PRSS23: variants seen among roughly 807,000 people sequenced by gnomAD.
PRSS23 encodes the protein serine protease 23, also known as protease, serine 23.
Under a neutral mutation model 34.7 loss-of-function variants are expected in PRSS23, and 25 were observed. That is an observed-to-expected ratio of 0.72 (90% CI 0.53 to 1.01). PRSS23 has a LOEUF of 1.01. PRSS23 is among the 50% of genes least tolerant of loss of function. The pLI, the probability that PRSS23 is intolerant of heterozygous loss-of-function variation, is 0.00. For missense variants in PRSS23, 445 were observed against 475.6 expected (o/e 0.94, Z 0.60); for synonymous variants, 176 against 186.6 (o/e 0.94, Z 0.46).
Position 86,826,887 on chromosome 11 carries a change from T to C in PRSS23, c.206+3294T>C, listed in dbSNP as rs957524686. ...AAGCTTTTTGATGTGCTGCTGGATTTGGTTTGCCAGTATTTTATTGAGGAT... is the reference window on the plus strand; with the variant it reads ...AAGCTTTTTGATGTGCTGCTGGATTCGGTTTGCCAGTATTTTATTGAGGAT... On this transcript the variant is annotated intron_variant, in intron 2 of 2. Transcript: ENST00000533902. Among the ~76,000 whole-genome samples the C allele has an allele frequency of 1.3e-3, 200 of 152,258 alleles. 1 individual carries two copies. The highest frequency in any genetic ancestry group is 4.3e-3 in the African/African-American group (180 of 41,538).
intron 2 of PRSS23, among the ~76,000 whole-genome samples, chr11:86,916,292 C>A (rs1316653640): frequency 6.6e-6 from 1 of 151,940 alleles, no homozygotes; most frequent in Admixed American, 6.6e-5. Context: ...ATGAGAATTG[C>A]TTTTATAAGA....
intron 2 of PRSS23, among the ~76,000 whole-genome samples, chr11:86,945,005 C>T (rs968595788): frequency 6.6e-6 from 1 of 152,162 alleles, no homozygotes; most frequent in Non-Finnish European, 1.5e-5. Flanking sequence ...GCTCTCCTTC[C>T]CTCTGTATGT....
chr11:86,928,280 TATTAC>T (rs1391068127), intron 2 of PRSS23, among the ~76,000 whole-genome samples: 3 of 148,302 alleles, frequency 2.0e-5, no homozygotes, highest in African/African-American at 4.9e-5. Flanking sequence ...GTTTAATACA[TATTAC>T]ATTAACATAA....
At chr11:86,862,444 C>T (rs748987088) in intron 2 of PRSS23, among the ~76,000 whole-genome samples, 5 of 151,680 alleles carry the variant, frequency 3.3e-5, no homozygotes, top group South Asian at 2.1e-4. Flanking sequence ...TGATACTATT[C>T]GTAATACCCT....
upstream of PRSS23, chr11:86,800,100 G>A (rs1565347340): frequency 6.6e-6 from 1 of 152,356 alleles, no homozygotes; most frequent in Non-Finnish European, 1.5e-5. Flanking sequence ...GTTCTAGGCT[G>A]TTGGGGGAGG....
intron 1 of PRSS23, among the ~76,000 whole-genome samples, chr11:86,817,739 G>T (rs914113562): frequency 6.6e-6 from 1 of 152,168 alleles, no homozygotes; most frequent in South Asian, 2.1e-4. Context: ...AAACCAACAA[G>T]CATGTATTGA....
intron 2 of PRSS23, among the ~76,000 whole-genome samples, chr11:86,881,866 T>C (rs1019961203): frequency 1.3e-5 from 2 of 152,196 alleles, no homozygotes; most frequent in Non-Finnish European, 2.9e-5. Flanking sequence ...ATCTAGGTTA[T>C]CTAATTTTTT....
chr11:86,908,315 C>T (rs1948956797), intron 2 of PRSS23, among the ~76,000 whole-genome samples: 1 of 152,220 alleles, frequency 6.6e-6, no homozygotes, highest in Admixed American at 6.5e-5. Context: ...TTTGCATTCT[C>T]ACCAACAATG....
intron 1 of PRSS23, among the ~76,000 whole-genome samples, chr11:86,819,647 A>G (rs1020683469): frequency 4.6e-5 from 7 of 152,190 alleles, no homozygotes; most frequent in Non-Finnish European, 7.3e-5. Flanking sequence ...TTGGAAAGGC[A>G]TACACTGTGT....
intron 2 of PRSS23, among the ~76,000 whole-genome samples, chr11:86,920,895 G>T (rs570663715): frequency 5.3e-5 from 8 of 152,122 alleles, no homozygotes; most frequent in Non-Finnish European, 1.2e-4. Flanking sequence ...CTTCGTCACT[G>T]TTGTCATTGT....
rs556899505 is a variant in PRSS23, at chr11:86,915,316, G to A, written c.207-35900G>A. ...CAGGCACACCCAGAGTGTGGCAATAGGTAGTGTTGGCTCAGGAGTTAAAGA... is the reference window on the plus strand; with the variant it reads ...CAGGCACACCCAGAGTGTGGCAATAAGTAGTGTTGGCTCAGGAGTTAAAGA... On this transcript the variant is annotated intron_variant, in intron 2 of 2. Coordinates refer to the PRSS23 transcript ENST00000533902. 1.1e-3 allele frequency among the ~76,000 whole-genome samples: 167 copies of A among 152,186 alleles called. 1 individual carries two copies. Among genetic ancestry groups the A allele is most frequent in the African/African-American group, 3.8e-3 (159 of 41,530 alleles).
Position 86,808,188 on chromosome 11 carries a change from C to G in PRSS23, c.545C>G (p.Thr182Ser), listed in dbSNP as rs992918771. 3.1e-6 allele frequency: 5 copies of G among 1,614,018 alleles called. No homozygotes were observed. The highest frequency in any genetic ancestry group is 4.2e-6 in the Non-Finnish European group (5 of 1,180,028). The part of the protein sequence containing the change: ...TAAHCIHDGK[T>S]YVKGTQKLRV... ...GCCCACTGCATACACGATGGAAAAA[C>G]CTATGTGAAAGGAACCCAGAAGCTT... The change falls in exon 2 of 2, where the codon ACC (threonine) becomes AGC (serine). Residue 182 changes from threonine to serine, a missense_variant. Physicochemically the swap from Thr to Ser is moderately conservative, Grantham distance 58. Coordinates refer to ENST00000280258, the MANE Select transcript of PRSS23 (RefSeq NM_007173.6).
chr11:86,930,166 C>T (rs1590932699), intron 2 of PRSS23, among the ~76,000 whole-genome samples: 3 of 141,462 alleles, frequency 2.1e-5, no homozygotes, highest in South Asian at 2.3e-4. Context: ...GGGAAAAAAA[C>T]TGATATCAAG....
chr11:86,827,479 G>T (rs1231832931), intron 2 of PRSS23, among the ~76,000 whole-genome samples: 1 of 152,058 alleles, frequency 6.6e-6, no homozygotes, highest in Non-Finnish European at 1.5e-5. Flanking sequence ...AGGGATTTTT[G>T]TGTCTCTATT....
intron 2 of PRSS23, among the ~76,000 whole-genome samples, chr11:86,854,876 T>C (rs1372774909): frequency 6.6e-6 from 1 of 152,060 alleles, no homozygotes; most frequent in African/African-American, 2.4e-5. Flanking sequence ...CAGATAAAAA[T>C]ACAGCATGGG....
intron 2 of PRSS23, among the ~76,000 whole-genome samples, chr11:86,895,477 C>CTTTTTTTTTTTTTTTTTTTTTTTTT (rs71040269): frequency 1.2e-5 from 1 of 86,636 alleles, no homozygotes; most frequent in Non-Finnish European, 2.1e-5. Context: ...TTATTTTATC[C>CTTTTTTTTTTTTTTTTTTTTTTTTT]TTTTTTTTTT....
chr11:86,811,291 G>C (rs1948176070), downstream of PRSS23: 1 of 164,316 alleles, frequency 6.1e-6, no homozygotes, highest in Non-Finnish European at 1.5e-5. Context: ...AATACATTCT[G>C]GGGATCTCTG....
At chr11:86,860,607 G>A (rs948636064) in intron 2 of PRSS23, among the ~76,000 whole-genome samples, 1 of 151,744 alleles carries the variant, frequency 6.6e-6, no homozygotes, top group Admixed American at 6.6e-5. Flanking sequence ...CTGTGATATC[G>A]TTCCTACTAT....
At chr11:86,887,885 C>G (rs112406863) in intron 2 of PRSS23, among the ~76,000 whole-genome samples, 24 of 152,194 alleles carry the variant, frequency 1.6e-4, no homozygotes, top group African/African-American at 5.3e-4. Context: ...AAATGTGTCT[C>G]TACTAAAAAT....
Sources: allele counts gnomAD v4.1 joint callset (sites outside exome capture counted in the v4.1 genomes callset), GRCh38; gene constraint gnomAD v4.1.1; transcripts MANE v1.5; gene names NCBI Gene and HGNC (gene_info 2026-07-23, HGNC 2026-07-21).